The following LAMA3 variants were observed in gnomAD, a reference collection of about 807,000 sequenced individuals.
The protein encoded by LAMA3 is laminin subunit alpha 3, also known as laminin subunit alpha-3.
In LAMA3, 281 loss-of-function variants were observed where a neutral mutation model predicts 402.0. The ratio of observed to expected loss-of-function variants is 0.70; its 90% CI spans 0.63 to 0.77. The LOEUF is 0.77. Ranked by LOEUF, LAMA3 falls within the 30% of genes least tolerant of loss-of-function variation. The pLI, the probability that LAMA3 is intolerant of heterozygous loss-of-function variation, is 0.00. For missense variants in LAMA3, 3,840 were observed against 4,215.5 expected (o/e 0.91, Z 2.47); for synonymous variants, 1,431 against 1,558.4 (o/e 0.92, Z 1.93).
chr18:23,894,213 A>G, intron 42 of LAMA3, 85 bp from the exon 43 acceptor site: 2 of 1,138,334 alleles, frequency 1.8e-6, no homozygotes, highest in Non-Finnish European at 2.7e-6. Flanking sequence ...ACTTTGCAAA[A>G]CTAGCTTTTC....
At chr18:23,815,110 C>T in intron 15 of LAMA3, 78 bp from the exon 16 acceptor site, 2 of 1,287,336 alleles carry the variant, frequency 1.6e-6, no homozygotes, top group Non-Finnish European at 1.1e-6. Flanking sequence ...CGTTGTGTTG[C>T]AGCTGTGTAA....
At chr18:23,883,391 G>GAA (rs1218810640) in intron 40 of LAMA3, among the ~76,000 whole-genome samples, 1 of 152,158 alleles carries the variant, frequency 6.6e-6, no homozygotes, top group Non-Finnish European at 1.5e-5. Context: ...TTCACTGTGG[G>GAA]CCCAAGCAAA....
At chr18:23,825,544 A>C (rs563170583) in intron 21 of LAMA3, among the ~76,000 whole-genome samples, 65 of 152,284 alleles carry the variant, frequency 4.3e-4, no homozygotes, top group African/African-American at 1.3e-3. Flanking sequence ...CCAAATTGGG[A>C]TCTTACAAGG....
At chr18:23,709,743 T>C in intron 1 of LAMA3, 1 of 508,454 alleles carries the variant, frequency 2.0e-6, no homozygotes, top group Non-Finnish European at 3.7e-6. Context: ...GATTCTTTTC[T>C]CTTCTGCTCC....
intron 30 of LAMA3, 125 bp from the exon 31 acceptor site, chr18:23,846,171 CT>C: frequency 1.0e-6 from 1 of 986,094 alleles, no homozygotes; most frequent in Non-Finnish European, 1.6e-6. Flanking sequence ...CCACTCTTCC[CT>C]GACTCCAGAA....
intron 2 of LAMA3, among the ~76,000 whole-genome samples, chr18:23,731,699 G>T (rs2061396916): frequency 6.6e-6 from 1 of 152,106 alleles, no homozygotes; most frequent in South Asian, 2.1e-4. Flanking sequence ...AATTCCTTTA[G>T]CTGAGGATAA....
chr18:23,694,381 C>T, intron 1 of LAMA3, among the ~76,000 whole-genome samples: 1 of 152,070 alleles, frequency 6.6e-6, no homozygotes, highest in Admixed American at 6.6e-5. Flanking sequence ...GGAGGAATGG[C>T]CTAGTAATGA....
Position 23,810,450 on chromosome 18 carries a change from G to T in LAMA3, c.1688G>T (p.Gly563Val). 2 of 1,614,138 alleles carry T rather than the reference G, an allele frequency of 1.2e-6. No homozygotes were observed. Among genetic ancestry groups the T allele is most frequent in the Non-Finnish European group, 1.7e-6 (2 of 1,180,026 alleles). ...TGTGAATGTCGGCCAGGAGTTACAG[G>T]ACAGCGGTGTGACAGGTGTCTCTCA... The part of the protein sequence containing the change: ...GQCECRPGVT[G>V]QRCDRCLSGA... The change falls in exon 13 of 75, where the codon GGA (glycine) becomes GTA (valine). Residue 563 changes from glycine to valine, a missense_variant. By Grantham distance (109) the Gly-to-Val change is moderately radical. Transcript: ENST00000313654.
At chr18:23,852,074 T>C (rs1016041805) in intron 32 of LAMA3, among the ~76,000 whole-genome samples, 3 of 152,210 alleles carry the variant, frequency 2.0e-5, no homozygotes, top group Non-Finnish European at 2.9e-5. Flanking sequence ...TGTCAACTTC[T>C]GGCAAGGGAC....
chr18:23,824,808 A>G (rs181458216), intron 21 of LAMA3, among the ~76,000 whole-genome samples: 59 of 152,308 alleles, frequency 3.9e-4, no homozygotes, highest in African/African-American at 1.3e-3. Flanking sequence ...AAAAAAATAA[A>G]AGATAAAAAA....
At chr18:23,909,882 T>A (rs1350750444) in intron 55 of LAMA3, among the ~76,000 whole-genome samples, 1 of 152,068 alleles carries the variant, frequency 6.6e-6, no homozygotes, top group Non-Finnish European at 1.5e-5. Context: ...TACAGGAGAG[T>A]TTTGGAGGGA....
At chr18:23,900,536 C>CA (rs745463465) in intron 47 of LAMA3, among the ~76,000 whole-genome samples, 3 of 151,228 alleles carry the variant, frequency 2.0e-5, no homozygotes, top group Non-Finnish European at 3.0e-5. Context: ...ATTACAAAAA[C>CA]AAAAAAAGGA....
intron 12 of LAMA3, among the ~76,000 whole-genome samples, chr18:23,809,840 G>A (rs1697715817): frequency 6.6e-6 from 1 of 152,094 alleles, no homozygotes; most frequent in Admixed American, 6.5e-5. Context: ...AGAAGATCAG[G>A]GACAGTTGTA....
intron 4 of LAMA3, among the ~76,000 whole-genome samples, chr18:23,749,850 A>T (rs2061713125): frequency 6.6e-6 from 1 of 152,092 alleles, no homozygotes; most frequent in African/African-American, 2.4e-5. Context: ...AACTGAAATG[A>T]TGACCCCTTA....
chr18:23,920,798 C>T (rs1568346360), intron 60 of LAMA3, 137 bp from the exon 61 acceptor site: 3 of 995,654 alleles, frequency 3.0e-6, no homozygotes. Flanking sequence ...GTTGCTGTTG[C>T]AGCACCATTA....
rs1285958221 is a variant in LAMA3 at position 23,864,835 on chromosome 18, G to A, written c.4635G>A (p.Leu1545=). The A allele has an allele frequency of 6.2e-7, 1 of 1,613,708 alleles. No individual in the cohort carries two copies. The highest frequency in any genetic ancestry group is 8.5e-7 in the Non-Finnish European group (1 of 1,179,830). ...YLTYQAKSFG[L]PGDMVLLEKK... ...CTTACCAAGCCAAGTCCTTTGGCTT[G>A]CCTGGCGACATGGTTCTTCTGGAAA... The change falls in exon 36 of 75, where the codon TTG becomes TTA. Residue 1545 remains leucine, a synonymous_variant. Coordinates refer to ENST00000313654, the MANE Select transcript of LAMA3 (RefSeq NM_198129.4).
At chr18:23,816,737 A>G (rs1264583905) in intron 18 of LAMA3, among the ~76,000 whole-genome samples, 3 of 152,202 alleles carry the variant, frequency 2.0e-5, no homozygotes, top group Non-Finnish European at 4.4e-5. Flanking sequence ...CCACAGGTAC[A>G]AAAACCAGGT....
At chr18:23,926,188 A>C (rs1046577896) in intron 62 of LAMA3, among the ~76,000 whole-genome samples, 5 of 152,192 alleles carry the variant, frequency 3.3e-5, no homozygotes, top group Non-Finnish European at 7.3e-5. Context: ...AATAATATAA[A>C]AGAGAAAATA....
chr18:23,868,114 A>G (rs2064410951), intron 37 of LAMA3, among the ~76,000 whole-genome samples, 197 bp downstream of exon 37: 1 of 152,206 alleles, frequency 6.6e-6, no homozygotes, highest in Admixed American at 6.5e-5. Flanking sequence ...TATTTTGAGC[A>G]CCAACATGAC....
Sources: allele counts gnomAD v4.1 joint callset (sites outside exome capture counted in the v4.1 genomes callset), GRCh38; gene constraint gnomAD v4.1.1; transcripts MANE v1.5; gene names NCBI Gene and HGNC (gene_info 2026-07-23, HGNC 2026-07-21).